MATN2: variants seen among roughly 807,000 people sequenced by gnomAD.
The protein encoded by MATN2 is matrilin 2.
A neutral mutation model predicts 103.2 loss-of-function variants in MATN2; 69 were observed. The observed-to-expected ratio is 0.67, with a 90% confidence interval of 0.55 to 0.82. The LOEUF (loss-of-function observed/expected upper bound fraction) is 0.82, where lower values mean the gene tolerates loss of function less well. Ranked by LOEUF, MATN2 falls within the 40% of genes least tolerant of loss-of-function variation. The pLI, the probability that MATN2 is intolerant of heterozygous loss-of-function variation, is 0.00. For missense variants in MATN2, 1,023 were observed against 1,211.5 expected (o/e 0.84, Z 2.31); for synonymous variants, 429 against 450.2 (o/e 0.95, Z 0.60).
At chr8:97,980,133 A>G (rs1439414244) in intron 6 of MATN2, among the ~76,000 whole-genome samples, 1 of 152,208 alleles carries the variant, frequency 6.6e-6, no homozygotes, top group East Asian at 1.9e-4. Context: ...ACTAGGCAGA[A>G]AAGGGTGAGG....
At chr8:97,966,157 CA>C (rs545924613) in intron 5 of MATN2, among the ~76,000 whole-genome samples, 10 of 145,750 alleles carry the variant, frequency 6.9e-5, no homozygotes, top group South Asian at 6.6e-4. Context: ...GACCTTGTCT[CA>C]AAAAAAAAAT....
intron 5 of MATN2, among the ~76,000 whole-genome samples, chr8:97,971,735 G>C (rs1052045609): frequency 6.6e-6 from 1 of 152,114 alleles, no homozygotes; most frequent in Non-Finnish European, 1.5e-5. Context: ...GTAAACCCTT[G>C]AGGGCAAAAC....
chr8:97,938,423 T>C lies in MATN2; in HGVS notation c.713-3354T>C, dbSNP rs575077447. Among the ~76,000 whole-genome samples, 99 of 152,356 alleles carry C rather than the reference T, an allele frequency of 6.5e-4. No homozygotes were observed. The Middle Eastern group carries it at 0.017, about 27-fold the overall frequency. On this transcript the variant is annotated intron_variant, in intron 3 of 18. Coordinates refer to ENST00000254898, the MANE Select transcript of MATN2 (RefSeq NM_002380.5). ...ACCATCGTTGCTGACATGAGCTGTC[T>C]TGGAAGGCAATCAGGCCATATCTGT...
intron 12 of MATN2, among the ~76,000 whole-genome samples, chr8:98,019,086 T>C (rs1813481454): frequency 6.8e-6 from 1 of 146,632 alleles, no homozygotes; most frequent in Non-Finnish European, 1.5e-5. Context: ...TGTTCTATCT[T>C]CTATTTATAT....
At chr8:97,960,217 A>G (rs1811263774) in intron 4 of MATN2, among the ~76,000 whole-genome samples, 1 of 152,202 alleles carries the variant, frequency 6.6e-6, no homozygotes, top group African/African-American at 2.4e-5. Context: ...TTGGCCTCCC[A>G]AAGTGTTGGG....
chr8:97,997,380 C>T (rs1812621977), intron 7 of MATN2, among the ~76,000 whole-genome samples: 1 of 152,248 alleles, frequency 6.6e-6, no homozygotes, highest in Non-Finnish European at 1.5e-5. Context: ...CCTGCCTTAA[C>T]ACCCTGTTGC....
intron 2 of MATN2, among the ~76,000 whole-genome samples, chr8:97,928,888 T>C (rs1160847251): frequency 3.3e-5 from 5 of 152,240 alleles, no homozygotes; most frequent in African/African-American, 9.6e-5. Flanking sequence ...AGTGCTCCCA[T>C]GTTCTCATCT....
chr8:98,024,671 G>A (rs1813725198), intron 13 of MATN2, among the ~76,000 whole-genome samples: 1 of 152,234 alleles, frequency 6.6e-6, no homozygotes, highest in African/African-American at 2.4e-5. Context: ...CTGTAAAGAG[G>A]ATGTAAGCAA....
At position 97,982,538 on chromosome 8, in the gene MATN2, TAGTA is replaced by T. The variant is rs983970654; in HGVS notation, c.1081+3534_1081+3537del. Reference sequence around the variant, plus strand: ...AAGTATATTTGAAAGCGAATACAATTAGTAAGTGTGCAACTATTATCTCAAAAAG... The same window carrying T: ...AAGTATATTTGAAAGCGAATACAATTAGTGTGCAACTATTATCTCAAAAAG... On this transcript the variant is annotated intron_variant, in intron 6 of 18. Coordinates refer to ENST00000254898, the MANE Select transcript of MATN2 (RefSeq NM_002380.5). The surrounding 1 kb of genome is among the most constrained non-coding windows in gnomAD (Gnocchi z 4.3). Among the ~76,000 whole-genome samples the T allele has an allele frequency of 1.3e-5, 2 of 152,202 alleles. No individual in the cohort carries two copies. Among genetic ancestry groups the T allele is most frequent in the Non-Finnish European group, 2.9e-5 (2 of 68,042 alleles).
At chr8:97,967,774 G>T (rs927617446) in intron 5 of MATN2, among the ~76,000 whole-genome samples, 1 of 152,278 alleles carries the variant, frequency 6.6e-6, no homozygotes, top group African/African-American at 2.4e-5. Context: ...CAAACTGCCA[G>T]TGGCTCTACC....
At chr8:97,875,281 A>G (rs1051407597) in intron 1 of MATN2, among the ~76,000 whole-genome samples, 4 of 152,142 alleles carry the variant, frequency 2.6e-5, no homozygotes, top group African/African-American at 9.7e-5. Context: ...AATGTGCACA[A>G]TGGCCCACTC....
chr8:98,029,203 G>GTC (rs1813918033), intron 14 of MATN2, among the ~76,000 whole-genome samples: 1 of 152,186 alleles, frequency 6.6e-6, no homozygotes, highest in African/African-American at 2.4e-5. Context: ...TAGCCCAAGA[G>GTC]TGGTAGCCAC....
chr8:97,928,295 C>T (rs1165385946), intron 2 of MATN2, among the ~76,000 whole-genome samples: 1 of 145,606 alleles, frequency 6.9e-6, no homozygotes, highest in Admixed American at 7.0e-5. Flanking sequence ...GGCGCCATCT[C>T]AGCTCACTGC....
chr8:98,032,304 C>A lies in MATN2; in HGVS notation c.2568C>A (p.Val856=), dbSNP rs2130458269. ...DSPAGELPKT[V]QQPTESEPVT... ...CAGCAGGGGAACTGCCAAAAACGGTCCAACAGCCAACAGGTACAGTTTTTA... is the reference window on the plus strand; with the variant it reads ...CAGCAGGGGAACTGCCAAAAACGGTACAACAGCCAACAGGTACAGTTTTTA... Residue 856 remains valine (V), a synonymous_variant, in exon 16 of 19, where the codon GTC becomes GTA. Coordinates refer to ENST00000254898, the MANE Select transcript of MATN2 (RefSeq NM_002380.5). The A allele has an allele frequency of 6.2e-7, 1 of 1,610,074 alleles. No homozygotes were observed. Among genetic ancestry groups the A allele is most frequent in the Non-Finnish European group, 8.5e-7 (1 of 1,178,032 alleles).
intron 17 of MATN2, 128 bp downstream of exon 17, chr8:98,033,304 A>G (rs904189783): frequency 1.1e-5 from 10 of 913,548 alleles, no homozygotes; most frequent in Middle Eastern, 3.4e-4. Flanking sequence ...GAGAAGAAAG[A>G]ATTTAAGTAA....
chr8:98,007,324 C>T lies in MATN2; in HGVS notation c.1450+97C>T. The T allele has an allele frequency of 6.4e-7, 1 of 1,574,350 alleles. No homozygotes were observed. Among genetic ancestry groups the T allele is most frequent in the Non-Finnish European group, 8.7e-7 (1 of 1,151,392 alleles). ...CACAGGTTGTACTTGGGCACCCCTC[C>T]CCTGCCCCTTGCTCTGCTCCAGGAG... On this transcript the variant is annotated intron_variant, in intron 9 of 18. Transcript: ENST00000254898. This position sits in a 1 kb window ranked among gnomAD's most constrained non-coding sequence, Gnocchi z 4.2.
chr8:97,892,783 G>A (rs1818675103), intron 2 of MATN2, among the ~76,000 whole-genome samples: 2 of 152,172 alleles, frequency 1.3e-5, no homozygotes, highest in South Asian at 2.1e-4. Context: ...TATGGAAATA[G>A]TTCTGACCTC....
intron 2 of MATN2, among the ~76,000 whole-genome samples, chr8:97,894,394 A>G (rs953037126): frequency 2.4e-4 from 31 of 127,936 alleles, no homozygotes; most frequent in African/African-American, 8.9e-4. Context: ...CAGTGGCACT[A>G]TCATAGCTCA....
chr8:97,966,723 A>C (rs528211167), intron 5 of MATN2, among the ~76,000 whole-genome samples: 2 of 152,204 alleles, frequency 1.3e-5, no homozygotes, highest in African/African-American at 4.8e-5. Context: ...AGGAAGCAGC[A>C]TAGTTTATTT....
Sources: allele counts gnomAD v4.1 joint callset (sites outside exome capture counted in the v4.1 genomes callset), GRCh38; gene constraint gnomAD v4.1.1; non-coding constraint Gnocchi (gnomAD v3.1); transcripts MANE v1.5; gene names NCBI Gene and HGNC (gene_info 2026-07-23, HGNC 2026-07-21).